The following SGCZ variants were observed in gnomAD, a reference collection of about 807,000 sequenced individuals.
SGCZ encodes the protein zeta-sarcoglycan.
In SGCZ, 40 loss-of-function variants were observed where a neutral mutation model predicts 41.3. The observed-to-expected ratio is 0.97, with a 90% confidence interval of 0.75 to 1.26. The LOEUF (loss-of-function observed/expected upper bound fraction) is 1.26. Among genes scored for constraint, SGCZ ranks in the 50% most tolerant of loss-of-function variants. SGCZ has a pLI of 0.00. For synonymous variants in SGCZ, 206 were observed against 137.5 expected (o/e 1.50, Z -3.49); for missense variants, 552 against 369.8 (o/e 1.49, Z -4.04).
intron 2 of SGCZ, among the ~76,000 whole-genome samples, chr8:14,457,787 AT>A (rs1800790873): frequency 6.6e-6 from 1 of 152,118 alleles, no homozygotes; most frequent in Admixed American, 6.5e-5. Flanking sequence ...CTTACCTATA[AT>A]TGGAGGTGAC....
chr8:14,759,346 A>G (rs1049193212), intron 1 of SGCZ, among the ~76,000 whole-genome samples: 21 of 19,908 alleles, frequency 1.1e-3, no homozygotes, highest in African/African-American at 6.5e-3. Flanking sequence ...TAGCCTCAAC[A>G]AAAAAAAAAA....
chr8:14,766,824 C>T (rs564933563), intron 1 of SGCZ, among the ~76,000 whole-genome samples: 8 of 151,070 alleles, frequency 5.3e-5, no homozygotes, highest in Non-Finnish European at 8.9e-5. Flanking sequence ...ACAGTCTGCC[C>T]GCCTCGGCCT....
chr8:14,609,130 T>C (rs1049664139), intron 1 of SGCZ, among the ~76,000 whole-genome samples: 1 of 152,194 alleles, frequency 6.6e-6, no homozygotes, highest in Non-Finnish European at 1.5e-5. Context: ...GGGAAGATAA[T>C]GTCAAGATCT....
intron 1 of SGCZ, among the ~76,000 whole-genome samples, chr8:15,050,896 CACA>C (rs1804487641): frequency 6.6e-6 from 1 of 152,090 alleles, no homozygotes; most frequent in South Asian, 2.1e-4. Context: ...AATTCTGCAC[CACA>C]ACATTTTCTT....
At chr8:15,167,151 C>T (rs560022761) in intron 1 of SGCZ, among the ~76,000 whole-genome samples, 2 of 152,248 alleles carry the variant, frequency 1.3e-5, no homozygotes, top group East Asian at 3.9e-4. Context: ...AATTTGGAAA[C>T]TATCTGTGAG....
At chr8:14,136,560 T>C (rs1372715694) in intron 5 of SGCZ, among the ~76,000 whole-genome samples, 1 of 152,104 alleles carries the variant, frequency 6.6e-6, no homozygotes, top group Non-Finnish European at 1.5e-5. Flanking sequence ...AGCACAGCAG[T>C]CCCAGATCAA....
At chr8:14,695,081 T>C (rs1377944279) in intron 1 of SGCZ, among the ~76,000 whole-genome samples, 2 of 152,118 alleles carry the variant, frequency 1.3e-5, no homozygotes, top group Non-Finnish European at 2.9e-5. Context: ...GCAAAGTGAC[T>C]AATGTCCAAA....
At chr8:14,572,584 G>A (rs753662558) in intron 1 of SGCZ, among the ~76,000 whole-genome samples, 8 of 152,160 alleles carry the variant, frequency 5.3e-5, no homozygotes, top group Non-Finnish European at 1.0e-4. Context: ...GCAAGAACTA[G>A]CAGGGGCAGG....
At chr8:14,425,450 A>G (rs534804010) in intron 2 of SGCZ, among the ~76,000 whole-genome samples, 223 of 151,992 alleles carry the variant, frequency 1.5e-3, no homozygotes, top group Non-Finnish European at 1.9e-3. Context: ...ATGAAACCCC[A>G]TCTCTACTAA....
chr8:14,737,913 A>G (rs1310500054), intron 1 of SGCZ, among the ~76,000 whole-genome samples: 2 of 152,142 alleles, frequency 1.3e-5, no homozygotes, highest in Non-Finnish European at 2.9e-5. Flanking sequence ...GTTTAGATAC[A>G]TTATTTTATT....
At chr8:14,895,766 G>C (rs1013935530) in intron 1 of SGCZ, among the ~76,000 whole-genome samples, 14 of 152,192 alleles carry the variant, frequency 9.2e-5, no homozygotes, top group Non-Finnish European at 1.9e-4. Context: ...TGTAGATGCA[G>C]TGGTTCCCAG....
chr8:14,327,973 G>A (rs900537093), intron 2 of SGCZ, among the ~76,000 whole-genome samples: 1 of 152,126 alleles, frequency 6.6e-6, no homozygotes, highest in Non-Finnish European at 1.5e-5. Context: ...TAGAGACAGG[G>A]TTTCACCATG....
In SGCZ at chr8:14,927,102, C is replaced by CTTTT. The variant is rs71209091; in HGVS notation, c.39+310479_39+310482dup. Among the ~76,000 whole-genome samples, 119 of 82,654 alleles carry CTTTT rather than the reference C, an allele frequency of 1.4e-3. 1 individual carries two copies. Among genetic ancestry groups the CTTTT allele is most frequent in the African/African-American group, 1.9e-3 (37 of 19,782 alleles). 54.2% of individuals were successfully genotyped at this position (82,654 alleles called of 152,430 possible). A position where few individuals can be genotyped will look rare whatever the true frequency, so the allele number is the denominator to read the frequency against. ...TATCAAAGTATCAAAGTTCCTGATT[C>CTTTT]TTTTTTTTTTTTTTTTTTTTTTGTG... is the stretch of plus-strand genomic sequence containing the variant. On this transcript the variant is annotated intron_variant, in intron 1 of 7. Transcript: ENST00000382080.
intron 2 of SGCZ, among the ~76,000 whole-genome samples, chr8:14,517,328 A>G (rs915834410): frequency 1.3e-5 from 2 of 152,126 alleles, no homozygotes; most frequent in African/African-American, 4.8e-5. Flanking sequence ...TAGGAGCTAC[A>G]TGATCTCTTT....
intron 1 of SGCZ, among the ~76,000 whole-genome samples, chr8:14,719,541 T>C (rs893765462): frequency 5.1e-4 from 77 of 152,046 alleles, no homozygotes; most frequent in African/African-American, 1.6e-3. Flanking sequence ...TTAATGATTG[T>C]CATTCTAACT....
intron 3 of SGCZ, among the ~76,000 whole-genome samples, chr8:14,257,940 C>T (rs993390164): frequency 5.3e-5 from 8 of 151,964 alleles, no homozygotes; most frequent in Non-Finnish European, 1.2e-4. Flanking sequence ...ATCTACCTAC[C>T]AATTCAAGAT....
intron 1 of SGCZ, among the ~76,000 whole-genome samples, chr8:14,675,134 C>T (rs1006464181): frequency 8.6e-5 from 13 of 150,818 alleles, no homozygotes; most frequent in Non-Finnish European, 1.0e-4. Flanking sequence ...TAGAGACAGG[C>T]TTTCACCGTG....
At chr8:14,604,721 A>C (rs1322103504) in intron 1 of SGCZ, among the ~76,000 whole-genome samples, 1 of 152,182 alleles carries the variant, frequency 6.6e-6, no homozygotes, top group Non-Finnish European at 1.5e-5. Context: ...AAATTTTAAA[A>C]AATAGCCAGA....
At chr8:14,138,910 A>T (rs1040646476) in intron 5 of SGCZ, among the ~76,000 whole-genome samples, 3 of 152,208 alleles carry the variant, frequency 2.0e-5, no homozygotes, top group Non-Finnish European at 4.4e-5. Context: ...ACCAAATCGC[A>T]CTTATTCCAA....
Sources: gnomAD v4.1 joint callset for allele counts (sites outside exome capture counted in the v4.1 genomes callset) on GRCh38, gnomAD v4.1.1 for gene constraint, MANE v1.5 for transcripts, NCBI Gene and HGNC (gene_info 2026-07-23, HGNC 2026-07-21) for gene names.